The following HS2ST1 variants were observed in gnomAD, a reference collection of about 807,000 sequenced individuals.
HS2ST1 encodes the protein heparan sulfate 2-O-sulfotransferase 1.
HS2ST1 carries 18 observed loss-of-function variants against 42.9 expected under a neutral mutation model. That is an observed-to-expected ratio of 0.42 (90% confidence interval 0.29 to 0.62). The LOEUF (loss-of-function observed/expected upper bound fraction) is 0.62. Ranked by LOEUF, HS2ST1 falls within the 20% of genes least tolerant of loss-of-function variation. The probability of loss-of-function intolerance (pLI) is 0.21; values close to 1 mark genes in which losing one functional copy is unlikely to be tolerated. For missense variants in HS2ST1, 334 were observed against 433.8 expected, an observed-to-expected ratio of 0.77 and a Z score of 2.04; for synonymous variants, 146 against 152.9, an observed-to-expected ratio of 0.95 and a Z score of 0.33.
intron 1 of HS2ST1, among the ~76,000 whole-genome samples, chr1:86,958,861 C>A: frequency 6.6e-6 from 1 of 152,018 alleles, no homozygotes; most frequent in Non-Finnish European, 1.5e-5. Context: ...AAATCAAATC[C>A]AAAAATGTAT....
At chr1:86,944,482 G>A (rs1194205648) in intron 1 of HS2ST1, among the ~76,000 whole-genome samples, 2 of 152,026 alleles carry the variant, frequency 1.3e-5, no homozygotes, top group Non-Finnish European at 2.9e-5. Context: ...AGCCTCCCGA[G>A]TAGCTGGAAT....
chr1:86,964,127 C>T (rs1406394519), intron 1 of HS2ST1, among the ~76,000 whole-genome samples: 5 of 151,590 alleles, frequency 3.3e-5, no homozygotes, highest in Admixed American at 3.3e-4. Flanking sequence ...GGCAGCCGGG[C>T]AGAGACGCTC....
At chr1:87,039,338 T>C (rs900851871) in intron 1 of HS2ST1, among the ~76,000 whole-genome samples, 18 of 152,194 alleles carry the variant, frequency 1.2e-4, no homozygotes, top group Non-Finnish European at 1.6e-4. Flanking sequence ...CAGGGCGCGG[T>C]GTGGACCATA....
At chr1:87,007,041 A>AT (rs1260471870) in intron 1 of HS2ST1, among the ~76,000 whole-genome samples, 1 of 151,852 alleles carries the variant, frequency 6.6e-6, no homozygotes, top group African/African-American at 2.4e-5. Flanking sequence ...AGAAGGGTCA[A>AT]TTTTTTTTCT....
At chr1:87,052,558 C>T (rs1650863172) in intron 1 of HS2ST1, among the ~76,000 whole-genome samples, 1 of 152,128 alleles carries the variant, frequency 6.6e-6, no homozygotes, top group South Asian at 2.1e-4. Context: ...AAACATTTCA[C>T]TTGTGCTTTC....
intron 4 of HS2ST1, among the ~76,000 whole-genome samples, chr1:87,095,283 CAA>C (rs1035437375): frequency 5.3e-5 from 8 of 152,104 alleles, no homozygotes; most frequent in African/African-American, 1.9e-4. Context: ...CGCTTATTCT[CAA>C]AAATGTGTAG....
chr1:86,963,113 T>C (rs893280941), intron 1 of HS2ST1, among the ~76,000 whole-genome samples: 4 of 152,158 alleles, frequency 2.6e-5, no homozygotes, highest in Non-Finnish European at 5.9e-5. Context: ...TTTTTCATAT[T>C]TTTCTGTCAG....
chr1:87,030,649 AAG>A (rs1432634210), intron 1 of HS2ST1, among the ~76,000 whole-genome samples: 1 of 152,188 alleles, frequency 6.6e-6, no homozygotes, highest in Non-Finnish European at 1.5e-5. Flanking sequence ...CTAAGTAACA[AAG>A]AAATTTATTT....
intron 1 of HS2ST1, among the ~76,000 whole-genome samples, chr1:87,018,118 A>G (rs1307401018): frequency 2.1e-5 from 3 of 143,780 alleles, no homozygotes; most frequent in Non-Finnish European, 4.5e-5. Flanking sequence ...TTACCCTTCA[A>G]AGATAAATAA....
At chr1:86,999,693 T>C (rs1557510346) in intron 1 of HS2ST1, among the ~76,000 whole-genome samples, 1 of 151,570 alleles carries the variant, frequency 6.6e-6, no homozygotes, top group African/African-American at 2.4e-5. Flanking sequence ...AATTATGCTT[T>C]CCCCCCCAAC....
rs138707187 is a variant in HS2ST1, at chr1:87,043,696, A to C, written c.125-29238A>C. ...TTCTTGTTGGAAAATATGGATGTAT[A>C]TGTCTTATGTGCATTAACAATGCTT... is the stretch of plus-strand genomic sequence containing the variant. On this transcript the variant is annotated intron_variant, in intron 1 of 6. Transcript: ENST00000370550. Among the ~76,000 whole-genome samples, 1,410 of 152,190 alleles carry C rather than the reference A, an allele frequency of 9.3e-3. 20 individuals are homozygous for C. The highest frequency in any genetic ancestry group is 0.033 in the African/African-American group (1,364 of 41,538).
At chr1:87,007,418 G>A (rs540844970) in intron 1 of HS2ST1, among the ~76,000 whole-genome samples, 6 of 152,134 alleles carry the variant, frequency 3.9e-5, no homozygotes, top group African/African-American at 1.4e-4. Context: ...CTACAATGGT[G>A]GGAATACCTA....
At chr1:86,991,721 T>C (rs1648957246) in intron 1 of HS2ST1, among the ~76,000 whole-genome samples, 1 of 152,208 alleles carries the variant, frequency 6.6e-6, no homozygotes, top group Non-Finnish European at 1.5e-5. Flanking sequence ...TGTTTTCTCA[T>C]CTGCAAAATG....
At chr1:86,974,655 C>T (rs979015021) in intron 1 of HS2ST1, among the ~76,000 whole-genome samples, 1 of 152,152 alleles carries the variant, frequency 6.6e-6, no homozygotes, top group African/African-American at 2.4e-5. Flanking sequence ...GTGGGTTCTG[C>T]ACTAACTCTG....
intron 1 of HS2ST1, among the ~76,000 whole-genome samples, chr1:87,030,880 G>A (rs960076354): frequency 2.0e-5 from 3 of 152,144 alleles, no homozygotes; most frequent in African/African-American, 4.8e-5. Context: ...AGAGTCAGTT[G>A]TTTTATTCTC....
At chr1:86,933,639 A>G (rs1454479468) in intron 1 of HS2ST1, among the ~76,000 whole-genome samples, 1 of 151,678 alleles carries the variant, frequency 6.6e-6, no homozygotes, top group East Asian at 1.9e-4. Context: ...TCTGCCATAT[A>G]TGAGTCTGGT....
At chr1:86,959,573 G>A (rs112995205) in intron 1 of HS2ST1, among the ~76,000 whole-genome samples, 3,591 of 152,216 alleles carry the variant, frequency 0.024, 74 homozygotes, top group African/African-American at 0.049. Flanking sequence ...CAGGAGAATC[G>A]CTTGAACCTG....
rs1652350953 is a variant in HS2ST1, at chr1:87,107,399, G to A, written c.*2703G>A. On this transcript the variant is annotated 3_prime_UTR_variant, in exon 7 of 7. Coordinates refer to ENST00000370550, the MANE Select transcript of HS2ST1 (RefSeq NM_012262.4). ...AGTATCCTTTCTGGAGACTGAGAAA[G>A]GGGTGTATTTAATTCCATCAGGTCC... 1 of 152,024 alleles carries A rather than the reference G, an allele frequency of 6.6e-6. No homozygotes were observed. The highest frequency in any genetic ancestry group is 1.9e-4 in the East Asian group (1 of 5,172). The allele number at this position is 152,024 out of a possible 1,614,324, so 9.4% of individuals were successfully genotyped here.
intron 1 of HS2ST1, among the ~76,000 whole-genome samples, chr1:87,003,550 C>A (rs974251899): frequency 2.0e-5 from 3 of 152,118 alleles, no homozygotes; most frequent in Non-Finnish European, 1.5e-5. Context: ...TTTGTAATTT[C>A]TTTTATGCTT....
Sources: gnomAD v4.1 joint callset for allele counts (sites outside exome capture counted in the v4.1 genomes callset) on GRCh38, gnomAD v4.1.1 for gene constraint, MANE v1.5 for transcripts, NCBI Gene and HGNC (gene_info 2026-07-23, HGNC 2026-07-21) for gene names.